Variants in IL9R observed in about 807,000 individuals in gnomAD.
IL9R encodes interleukin-9 receptor.
In IL9R, 54 loss-of-function variants were observed where a neutral mutation model predicts 56.3. The ratio of observed to expected loss-of-function variants is 0.96; its 90% CI spans 0.77 to 1.20. IL9R has a LOEUF of 1.20. Ranked by LOEUF, IL9R falls within the 50% of genes most tolerant of loss-of-function variation. IL9R has a pLI of 0.00. For missense variants in IL9R, 545 were observed against 629.8 expected (o/e 0.87, Z 1.44); for synonymous variants, 212 against 250.2 (o/e 0.85, Z 1.44).
chrX:155,997,865 C>T, intron 1 of IL9R, 78 bp downstream of exon 1: 3 of 1,331,142 alleles, frequency 2.3e-6, no homozygotes, highest in Admixed American at 1.7e-5. Flanking sequence ...TGTGGCCCTC[C>T]AACTCGGGGC....
intron 5 of IL9R, 53 bp from the exon 6 acceptor site, chrX:156,005,225 C>T (rs2067838749): frequency 2.0e-6 from 3 of 1,476,200 alleles, no homozygotes; most frequent in Non-Finnish European, 1.9e-6. Context: ...TTCTCGAGGG[C>T]TGAGGGACCC....
In IL9R at chrX:156,007,415, G is replaced by A. The variant is rs764806532; in HGVS notation, c.888-108G>A. On this transcript the variant is annotated intron_variant, in intron 7 of 8. Transcript: ENST00000244174. ...ATGAGATGGGAGAGAGGCAGTGGCA[G>A]GGACGAGGTGGGCGGACCTCCTGCT... The A allele has an allele frequency of 3.9e-6, 3 of 770,262 alleles. No individual in the cohort carries two copies. In the African/African-American group the frequency reaches 5.3e-5, roughly 13 times the overall value. 47.7% of individuals were successfully genotyped at this position (770,262 alleles called of 1,614,324 possible).
At chrX:156,001,398 A>G in intron 1 of IL9R, 1 of 1,589,694 alleles carries the variant, frequency 6.3e-7, no homozygotes, top group African/African-American at 1.3e-5. Context: ...CCCCATTCCC[A>G]CCTTTCCAGT....
At chrX:156,009,015 C>CTGTA (rs2068218656) in intron 8 of IL9R, among the ~76,000 whole-genome samples, 1 of 80,998 alleles carries the variant, frequency 1.2e-5, no homozygotes, top group Non-Finnish European at 2.8e-5. Flanking sequence ...GTGTGTGTGT[C>CTGTA]TCTGTGTGTG....
chrX:156,008,496 C>T (rs2068145443), intron 8 of IL9R, among the ~76,000 whole-genome samples: 1 of 152,124 alleles, frequency 6.6e-6, no homozygotes, highest in Non-Finnish European at 1.5e-5. Flanking sequence ...CCCTCTTTCC[C>T]CAAGGTGGTA....
chrX:156,006,147 G>C lies in IL9R; in HGVS notation c.846G>C (p.Leu282=). The C allele has an allele frequency of 6.5e-7, 1 of 1,541,832 alleles. No individual in the cohort carries two copies. The highest frequency in any genetic ancestry group is 9.0e-7 in the Non-Finnish European group (1 of 1,117,128). The change falls in exon 7 of 9, where the codon CTG becomes CTC. Residue 282 remains leucine, a synonymous_variant. Transcript: ENST00000244174. ...NTLVAVSIFL[L]LTGPTYLLFK... is the part of the protein sequence containing the mutation. ...TTGTTGCTGTGTCCATCTTTCTCCT[G>C]CTGACTGGCCCGACCTACCTCCTGT...
chrX:155,999,108 A>T (rs750665515), intron 1 of IL9R, among the ~76,000 whole-genome samples: 5 of 152,100 alleles, frequency 3.3e-5, no homozygotes, highest in Admixed American at 6.5e-5. Flanking sequence ...CTACTAGGGG[A>T]CTGGGGAAAG....
intron 7 of IL9R, among the ~76,000 whole-genome samples, chrX:156,007,154 C>G (rs1376278784): frequency 4.0e-5 from 6 of 148,976 alleles, no homozygotes; most frequent in Non-Finnish European, 7.4e-5. Flanking sequence ...AAGTCTGGTG[C>G]TCAGGGAGAC....
intron 6 of IL9R, 45 bp downstream of exon 6, chrX:156,005,524 G>T (rs2124525672): frequency 6.5e-7 from 1 of 1,533,786 alleles, no homozygotes; most frequent in Non-Finnish European, 9.0e-7. Context: ...AGTCTGGGCT[G>T]GGCGTCTTCT....
intron 1 of IL9R, 111 bp from the exon 2 acceptor site, chrX:156,002,795 G>GT: frequency 6.8e-7 from 1 of 1,470,196 alleles, no homozygotes; most frequent in Non-Finnish European, 9.5e-7. Flanking sequence ...ACAGGACACT[G>GT]TGTGAGTGCA....
At chrX:156,004,319 C>A (rs745917570) in intron 4 of IL9R, 101 bp from the exon 5 acceptor site, 5 of 1,265,548 alleles carry the variant, frequency 4.0e-6, no homozygotes, top group Non-Finnish European at 5.7e-6. Context: ...AGGGCCTTGA[C>A]CATTCCCCTT....
chrX:156,002,243 G>A (rs529821632), intron 1 of IL9R, among the ~76,000 whole-genome samples: 172 of 152,112 alleles, frequency 1.1e-3, no homozygotes, highest in Non-Finnish European at 1.9e-3. Context: ...CCAGCTACTC[G>A]GGAGGCTGAG....
At chrX:156,009,045 TTG>T (rs1259931645) in intron 8 of IL9R, among the ~76,000 whole-genome samples, 12 of 133,328 alleles carry the variant, frequency 9.0e-5, no homozygotes, top group East Asian at 8.7e-4. Context: ...CTGTGTGTGT[TTG>T]TGTCTGTGTG....
intron 1 of IL9R, among the ~76,000 whole-genome samples, chrX:156,000,268 C>A (rs750405734): frequency 5.0e-4 from 76 of 152,132 alleles, no homozygotes; most frequent in Admixed American, 2.0e-3. Context: ...ATGCTCAGGG[C>A]TGCCTGGACT....
intron 1 of IL9R, 41 bp downstream of exon 1, chrX:155,997,828 A>T (rs776059954): frequency 6.3e-7 from 1 of 1,591,474 alleles, no homozygotes; most frequent in South Asian, 1.1e-5. Context: ...TCAAGTCAGC[A>T]TGAAATTCAG....
intron 1 of IL9R, among the ~76,000 whole-genome samples, chrX:155,999,220 C>T (rs771894063): frequency 6.6e-6 from 1 of 152,124 alleles, no homozygotes; most frequent in East Asian, 1.9e-4. Flanking sequence ...TGTACTTCTC[C>T]CACCCACCCT....
chrX:156,001,331 T>C (rs964258836), intron 1 of IL9R: 10 of 968,262 alleles, frequency 1.0e-5, no homozygotes, highest in Non-Finnish European at 1.5e-5. Flanking sequence ...CTTCCCCAGG[T>C]CCTGGTGGTG....
rs781726149 is a variant in IL9R at position 156,005,423 on chromosome X, C to A, written c.725C>A (p.Thr242Lys). The A allele has an allele frequency of 1.9e-6, 3 of 1,613,082 alleles. No homozygotes were observed. The highest frequency in any genetic ancestry group is 1.3e-5 in the African/African-American group (1 of 74,892). The part of the protein sequence containing the change: ...EDDVVEEERY[T>K]GQWSEWSQPV... ...GATGTGGTAGAGGAGGAGCGTTATACAGGCCAGTGGAGTGAGTGGAGCCAG... is the reference window on the plus strand; with the variant it reads ...GATGTGGTAGAGGAGGAGCGTTATAAAGGCCAGTGGAGTGAGTGGAGCCAG... The change falls in exon 6 of 9, where the codon ACA (threonine) becomes AAA (lysine). Residue 242 changes from threonine (T) to lysine (K), a missense_variant. Around this residue, in one of 2 missense-constraint regions of IL9R, gnomAD observed 431 missense variants for 360.0 expected, o/e 1.20. Coordinates refer to ENST00000244174, the MANE Select transcript of IL9R (RefSeq NM_002186.3).
At chrX:156,009,333 TG>T (rs1443779383) in intron 8 of IL9R, among the ~76,000 whole-genome samples, 3 of 150,894 alleles carry the variant, frequency 2.0e-5, no homozygotes, top group Admixed American at 6.6e-5. Flanking sequence ...TGTCTGTGTG[TG>T]TTTGTGTGTG....
Sources: gnomAD v4.1 joint callset for allele counts (sites outside exome capture counted in the v4.1 genomes callset) on GRCh38, gnomAD v4.1.1 for gene constraint, gnomAD v4.1.1 regional missense constraint, MANE v1.5 for transcripts, NCBI Gene and HGNC (gene_info 2026-07-23, HGNC 2026-07-21) for gene names.